The following EMG1 variants were observed in gnomAD, a reference collection of about 807,000 sequenced individuals.
The protein encoded by EMG1 is ribosomal RNA small subunit methyltransferase NEP1.
Under a neutral mutation model 26.9 loss-of-function variants are expected in EMG1, and 24 were observed. The observed-to-expected ratio is 0.89, with a 90% CI of 0.65 to 1.26. The LOEUF is 1.26. EMG1 is among the 50% of genes most tolerant of loss of function. The probability of loss-of-function intolerance (pLI) is 0.00; values close to 1 mark genes in which losing one functional copy is unlikely to be tolerated. For synonymous variants in EMG1, 140 were observed against 112.6 expected, an observed-to-expected ratio of 1.24 and a Z score of -1.54; for missense variants, 299 against 307.6, an observed-to-expected ratio of 0.97 and a Z score of 0.21.
downstream of EMG1, among the ~76,000 whole-genome samples, chr12:6,989,320 T>G (rs782621898): frequency 2.7e-5 from 4 of 150,430 alleles, no homozygotes; most frequent in East Asian, 7.8e-4. Flanking sequence ...CGTGTTTTTT[T>G]TTTTTTTTTT....
downstream of EMG1, among the ~76,000 whole-genome samples, chr12:6,990,378 G>A (rs782482964): frequency 4.0e-4 from 60 of 149,496 alleles, no homozygotes; most frequent in African/African-American, 1.4e-3. Flanking sequence ...GTGTGGTGGC[G>A]GGCACCTGTA....
intron 1 of EMG1, among the ~76,000 whole-genome samples, chr12:6,971,947 C>A (rs1946335089): frequency 6.6e-6 from 1 of 152,198 alleles, no homozygotes; most frequent in African/African-American, 2.4e-5. Context: ...TATCTTAAAG[C>A]CTTGGGCAGT....
At chr12:6,993,099 A>G (rs189868102), downstream of EMG1, among the ~76,000 whole-genome samples, 11 of 152,324 alleles carry the variant, frequency 7.2e-5, no homozygotes, top group East Asian at 1.9e-3. Flanking sequence ...ATAATTTACC[A>G]TAAAATTCAC....
downstream of EMG1, among the ~76,000 whole-genome samples, chr12:6,992,035 T>C (rs1946594349): frequency 6.6e-6 from 1 of 151,374 alleles, no homozygotes; most frequent in Non-Finnish European, 1.5e-5. Flanking sequence ...CTACTAAAAA[T>C]ACAAAAATTA....
downstream of EMG1, chr12:6,980,921 G>C: frequency 7.3e-7 from 1 of 1,374,310 alleles, no homozygotes; most frequent in East Asian, 2.4e-5. Context: ...CCAGGGTCAT[G>C]CTGGAGAATG....
chr12:6,976,956 T>C lies in EMG1; in HGVS notation c.*1147T>C, dbSNP rs1946410549. The C allele has an allele frequency of 1.7e-6, 1 of 579,160 alleles. No individual in the cohort carries two copies. The allele number at this position is 579,160 out of a possible 1,614,324, so 35.9% of individuals were successfully genotyped here. A position where few individuals can be genotyped will look rare whatever the true frequency, so the allele number is the denominator to read the frequency against. ...CCTGTAATTCCTGGTCTATAGCCCT[T>C]CCAGATGTTTCCTAGCATGCCTCAA... On this transcript the variant is annotated 3_prime_UTR_variant, in exon 6 of 6. Coordinates refer to ENST00000599672, the MANE Select transcript of EMG1 (RefSeq NM_006331.8).
downstream of EMG1, among the ~76,000 whole-genome samples, chr12:6,990,106 A>G (rs1555155278): frequency 2.0e-5 from 3 of 150,884 alleles, no homozygotes; most frequent in Non-Finnish European, 4.4e-5. Context: ...GAGTCTGGGG[A>G]GACAGAAGCT....
At chr12:6,982,836 G>T, downstream of EMG1, 1 of 1,173,480 alleles carries the variant, frequency 8.5e-7, no homozygotes, top group Non-Finnish European at 1.3e-6. Context: ...ACCGTCCTGA[G>T]ACTTCCAATC....
At chr12:6,981,677 C>T (rs782225546), downstream of EMG1, 12 of 1,456,618 alleles carry the variant, frequency 8.2e-6, no homozygotes, top group Non-Finnish European at 1.1e-5. Context: ...GGAGAGGACA[C>T]TGAGGATGTG....
At position 6,977,800 on chromosome 12, in the gene EMG1, C is replaced by T; in HGVS notation, c.*1991C>T. The T allele has an allele frequency of 1.2e-6, 2 of 1,603,494 alleles. No homozygotes were observed. Among genetic ancestry groups the T allele is most frequent in the Non-Finnish European group, 1.7e-6 (2 of 1,172,988 alleles). ...CAAACTGACTGGTCCTTGCATCCCG[C>T]CACCTGCCTCTGGGTCCTCACCCTG... On this transcript the variant is annotated 3_prime_UTR_variant, in exon 6 of 6. Coordinates refer to ENST00000599672, the MANE Select transcript of EMG1 (RefSeq NM_006331.8). The surrounding 1 kb of genome is among the most constrained non-coding windows in gnomAD (Gnocchi z 4.5).
In EMG1 at chr12:6,979,412, G is replaced by C; in HGVS notation, c.*3603G>C. 1 of 1,265,462 alleles carries C rather than the reference G, an allele frequency of 7.9e-7. No homozygotes were observed. Among genetic ancestry groups the C allele is most frequent in the Non-Finnish European group, 1.2e-6 (1 of 864,518 alleles). The allele number at this position is 1,265,462 out of a possible 1,614,324, so 78.4% of individuals were successfully genotyped here. A position where few individuals can be genotyped will look rare whatever the true frequency, so the allele number is the denominator to read the frequency against. ...TTCTCTGCTATCTGTAGGGATCCTT[G>C]CCTGTCCATTTTCTAGCTCTGGTGC... On this transcript the variant is annotated 3_prime_UTR_variant, in exon 6 of 6. Coordinates refer to ENST00000599672, the MANE Select transcript of EMG1 (RefSeq NM_006331.8).
At chr12:6,986,082 G>A (rs1399036060) in intron 6 of EMG1, among the ~76,000 whole-genome samples, 2 of 148,832 alleles carry the variant, frequency 1.3e-5, no homozygotes, top group East Asian at 2.0e-4. Context: ...GCCAACTGGT[G>A]TTTTTTTTTT....
At position 6,975,466 on chromosome 12, in the gene EMG1, C is replaced by T. The variant is rs7969806; in HGVS notation, c.621+88C>T. ...GCAGTAGGCATTTTAACAATGCTTA[C>T]AATGAGCTAGAAGACACATGACAGT... On this transcript the variant is annotated intron_variant, in intron 5 of 5. Coordinates refer to ENST00000599672, the MANE Select transcript of EMG1 (RefSeq NM_006331.8). 2.8e-3 allele frequency: 3,827 copies of T among 1,369,802 alleles called. 92 individuals are homozygous for T. The African/African-American group carries it at 0.046, about 17-fold the overall frequency. 84.9% of individuals were successfully genotyped at this position (1,369,802 alleles called of 1,614,324 possible). A position where few individuals can be genotyped will look rare whatever the true frequency, so the allele number is the denominator to read the frequency against.
intron 7 of EMG1, among the ~76,000 whole-genome samples, chr12:6,994,572 TCCTC>T (rs1345922392): frequency 6.6e-6 from 1 of 152,098 alleles, no homozygotes; most frequent in African/African-American, 2.4e-5. Context: ...GTTCAAGTGA[TCCTC>T]CCACCTGAGC....
In EMG1 at chr12:6,975,372, TGGCAA is replaced by T; in HGVS notation, c.618_621+1del. On this transcript the variant is annotated frameshift_variant and splice_region_variant, in exon 5 of 6. Coordinates refer to ENST00000599672, the MANE Select transcript of EMG1 (RefSeq NM_006331.8). LOFTEE classifies it high-confidence loss of function. ...TTTTTGTGGTAGGGGCCTTTGCCCA[TGGCAA>T]GGTAAGGTCTGGGCTCAACCCTGAA... 6.3e-7 allele frequency: 1 copy of T among 1,597,854 alleles called. No homozygotes were observed. The highest frequency in any genetic ancestry group is 8.5e-7 in the Non-Finnish European group (1 of 1,171,484).
chr12:6,995,390 C>CTTGAACCCAGGAGGCGGAGGTTG (rs1946627961), intron 7 of EMG1, among the ~76,000 whole-genome samples: 1 of 151,730 alleles, frequency 6.6e-6, no homozygotes, highest in East Asian at 1.9e-4. Flanking sequence ...AGGAGAATCG[C>CTTGAACCCAGGAGGCGGAGGTTG]TTGAACCCAG....
At chr12:6,994,070 C>T (rs968149306) in intron 7 of EMG1, among the ~76,000 whole-genome samples, 1 of 152,248 alleles carries the variant, frequency 6.6e-6, no homozygotes, top group Non-Finnish European at 1.5e-5. Flanking sequence ...CTCCTGGCCT[C>T]AAATGATCCT....
In EMG1 at chr12:6,975,257, T is replaced by G; in HGVS notation, c.500T>G (p.Phe167Cys). The part of the protein sequence containing the change: ...KVIKNPVSDH[F>C]PVGCMKVGTS... ...ATTAAGAATCCAGTATCAGATCACT[T>G]TCCAGTTGGATGTATGAAAGTTGGC... Residue 167 changes from phenylalanine to cysteine, a missense_variant, in exon 5 of 6, where the codon TTT becomes TGT. Phe to Cys is a radical substitution (Grantham distance 205). Transcript: ENST00000599672. The G allele has an allele frequency of 3.1e-6, 5 of 1,613,812 alleles. No homozygotes were observed. Among genetic ancestry groups the G allele is most frequent in the Non-Finnish European group, 4.2e-6 (5 of 1,179,764 alleles).
Position 6,979,616 on chromosome 12 carries a change from G to A in EMG1, c.*3807G>A, listed in dbSNP as rs782687190. 6 of 1,401,056 alleles carry A rather than the reference G, an allele frequency of 4.3e-6. No homozygotes were observed. The Admixed American group carries it at 1.0e-4, about 24-fold the overall frequency. 86.8% of individuals were successfully genotyped at this position (1,401,056 alleles called of 1,614,324 possible). On this transcript the variant is annotated 3_prime_UTR_variant, in exon 6 of 6. Coordinates refer to ENST00000599672, the MANE Select transcript of EMG1 (RefSeq NM_006331.8). ...CGAGTGAAGTTCCTGGTCACAGAGA[G>A]CAGAGACTATTCCCTTCACCCTCTG...
Sources: allele counts gnomAD v4.1 joint callset (sites outside exome capture counted in the v4.1 genomes callset), GRCh38; gene constraint gnomAD v4.1.1; non-coding constraint Gnocchi (gnomAD v3.1); transcripts MANE v1.5; gene names NCBI Gene and HGNC (gene_info 2026-07-23, HGNC 2026-07-21).